Variants in LILRB4 observed in about 807,000 individuals in gnomAD.
LILRB4 encodes leukocyte immunoglobulin-like receptor subfamily B member 4.
A neutral mutation model predicts 55.2 loss-of-function variants in LILRB4; 49 were observed. That is an observed-to-expected ratio of 0.89 (90% CI 0.71 to 1.13). The LOEUF (loss-of-function observed/expected upper bound fraction) is 1.13, where lower values mean the gene tolerates loss of function less well. Among genes scored for constraint, LILRB4 ranks in the 50% most tolerant of loss-of-function variants. The pLI is 0.00. For synonymous variants in LILRB4, 229 were observed against 213.8 expected, an observed-to-expected ratio of 1.07 and a Z score of -0.62; for missense variants, 590 against 555.2, an observed-to-expected ratio of 1.06 and a Z score of -0.63.
downstream of LILRB4, chr19:54,668,681 T>C (rs1174465612): frequency 6.6e-6 from 1 of 152,242 alleles, no homozygotes; most frequent in Non-Finnish European, 1.5e-5. Context: ...GATCCTGTAA[T>C]CAAAAATGTT....
At chr19:54,668,246 T>TA in exon 12 of LILRB4, 2 of 532,464 alleles carry the variant, frequency 3.8e-6, no homozygotes, top group East Asian at 5.8e-5. Context: ...AGTTAACTGA[T>TA]AAAACAAAAC....
rs755008365 is a variant in LILRB4 at position 54,664,937 on chromosome 19, A to C, written c.706+88A>C. 3 of 1,434,760 alleles carry C rather than the reference A, an allele frequency of 2.1e-6. No homozygotes were observed. The South Asian group carries it at 3.5e-5, about 17-fold the overall frequency. 88.9% of individuals were successfully genotyped at this position (1,434,760 alleles called of 1,614,324 possible). A position where few individuals can be genotyped will look rare whatever the true frequency, so the allele number is the denominator to read the frequency against. ...TCAGTGGATCTAAGTCCTCGTTCCAATTCTCAGCTGGGCTTGCTTCCACGG... is the reference window on the plus strand; with the variant it reads ...TCAGTGGATCTAAGTCCTCGTTCCACTTCTCAGCTGGGCTTGCTTCCACGG... On this transcript the variant is annotated intron_variant, in intron 5 of 11. Coordinates refer to ENST00000430952, the Ensembl canonical transcript of LILRB4.
chr19:54,665,508 G>C lies in LILRB4; in HGVS notation c.758-307G>C, dbSNP rs142786048. Among the ~76,000 whole-genome samples, 1 of 152,032 alleles carries C rather than the reference G, an allele frequency of 6.6e-6. No individual in the cohort carries two copies. The highest frequency in any genetic ancestry group is 1.5e-5 in the Non-Finnish European group (1 of 67,982). On this transcript the variant is annotated intron_variant, in intron 6 of 11. Transcript: ENST00000430952. The surrounding 1 kb of genome is among the most constrained non-coding windows in gnomAD (Gnocchi z 5.5). ...CAGGGCGGTGGTTCAAGACAGTCAG[G>C]CTCTTTCCCTGCAACTCTGGGGCTT... is the stretch of plus-strand genomic sequence containing the variant.
rs759949146 is a variant in LILRB4, at chr19:54,664,782, C to G, written c.656-17C>G. 1 of 1,560,956 alleles carries G rather than the reference C, an allele frequency of 6.4e-7. No homozygotes were observed. The highest frequency in any genetic ancestry group is 8.7e-7 in the Non-Finnish European group (1 of 1,151,742). ...GGCAACCCCAGACTCTCACCCTCCT[C>G]TTGTCCTTCTACCCAGGATCCTTGG... On this transcript the variant is annotated splice_polypyrimidine_tract_variant and intron_variant, in intron 4 of 11. Transcript: ENST00000430952.
At chr19:54,664,691 G>A (rs1392659811) in intron 4 of LILRB4, 108 bp from the exon 5 acceptor site, 1 of 1,069,004 alleles carries the variant, frequency 9.4e-7, no homozygotes, top group Non-Finnish European at 1.4e-6. Context: ...GGTGGACAGA[G>A]AAATGGTCCT....
rs765847777 is a variant in LILRB4 at position 54,667,589 on chromosome 19, G to A, written c.1042-49G>A. 4.4e-3 allele frequency: 7,096 copies of A among 1,604,544 alleles called. 45 individuals are homozygous for A. Among genetic ancestry groups the A allele is most frequent in the Non-Finnish European group, 4.9e-3 (5,760 of 1,176,058 alleles). ...AACAGTGGGGAAAATTGACTCCAGG[G>A]AGTCAGGAGGATTCAAGGACACCCC... On this transcript the variant is annotated intron_variant, in intron 10 of 11. Coordinates refer to ENST00000430952, the Ensembl canonical transcript of LILRB4.
In LILRB4 at chr19:54,664,181, C is replaced by T. The variant is rs773255664; in HGVS notation, c.356-5C>T. 8 of 1,610,606 alleles carry T rather than the reference C, an allele frequency of 5.0e-6. No individual in the cohort carries two copies. The Admixed American group carries it at 1.3e-4, about 27-fold the overall frequency. ...CATTTAACACGGTGCCTCCTTCTCT[C>T]CTAGGAGCCTACAGTAAACCCACCC... On this transcript the variant is annotated splice_polypyrimidine_tract_variant and splice_region_variant and intron_variant, in intron 3 of 11. Transcript: ENST00000430952.
exon 12 of LILRB4, chr19:54,668,024 G>A (rs1466181983): frequency 1.9e-6 from 3 of 1,613,764 alleles, no homozygotes; most frequent in Non-Finnish European, 1.7e-6. Flanking sequence ...CACTAATCCA[G>A]GGGGGACCCA....
At position 54,666,316 on chromosome 19, in the gene LILRB4, G is replaced by A; in HGVS notation, c.950+1G>A. The A allele has an allele frequency of 1.2e-6, 2 of 1,609,746 alleles. No homozygotes were observed. The highest frequency in any genetic ancestry group is 1.3e-5 in the African/African-American group (1 of 74,892). ...CCAAGGACGGGGGCCTACAGAGGAG[G>A]TAATTCTGCCCAAAGACCTCAGACT... On this transcript the variant is annotated splice_donor_variant, in intron 8 of 11. Coordinates refer to ENST00000430952, the Ensembl canonical transcript of LILRB4. LOFTEE classifies it high-confidence loss of function. This position sits in a 1 kb window ranked among gnomAD's most constrained non-coding sequence, Gnocchi z 4.8.
upstream of LILRB4, chr19:54,662,991 G>T (rs2065068876): frequency 1.2e-6 from 2 of 1,613,920 alleles, no homozygotes; most frequent in South Asian, 2.2e-5. Flanking sequence ...CGGCACTGAG[G>T]ACTCATCCAT....
rs781473881 is a variant in LILRB4 at position 54,667,931 on chromosome 19, T to A, written c.1256T>A (p.Leu419His). Reference sequence around the variant, plus strand: ...TACGCCCGGCTGCACAGCTTTACCCTCAGACAGAAGGCAACTGAGCCTCCT... The same window carrying A: ...TACGCCCGGCTGCACAGCTTTACCCACAGACAGAAGGCAACTGAGCCTCCT... Residue 419 changes from leucine (L) to histidine (H), a missense_variant, in exon 12 of 12, where the codon CTC (leucine) becomes CAC (histidine). Transcript: ENST00000430952. The A allele has an allele frequency of 1.9e-6, 3 of 1,600,556 alleles. No homozygotes were observed. In the African/African-American group the frequency reaches 4.2e-5, roughly 22 times the overall value.
In LILRB4 at chr19:54,667,801, C is replaced by G. The variant is rs762440515; in HGVS notation, c.1197+8C>G. The G allele has an allele frequency of 6.2e-7, 1 of 1,610,710 alleles. No homozygotes were observed. Among genetic ancestry groups the G allele is most frequent in the Non-Finnish European group, 8.5e-7 (1 of 1,179,046 alleles). On this transcript the variant is annotated splice_region_variant and intron_variant, in intron 11 of 11. Transcript: ENST00000430952. ...AGACAGATGGACACTGAGGTGAGTCCTTTCCTCTCCAGGCCCCCAGGCCTC... is the reference window on the plus strand; with the variant it reads ...AGACAGATGGACACTGAGGTGAGTCGTTTCCTCTCCAGGCCCCCAGGCCTC...
In LILRB4 at chr19:54,665,384, G is replaced by A. The variant is rs2065220348; in HGVS notation, c.757+204G>A. ...CTGACTCCCAGCTGTGCCCTCCTGG[G>A]AGAGGAGGCCTCCCAGGGAACCTCC... On this transcript the variant is annotated intron_variant, in intron 6 of 11. Transcript: ENST00000430952. This position sits in a 1 kb window ranked among gnomAD's most constrained non-coding sequence, Gnocchi z 5.5. 6.6e-6 allele frequency among the ~76,000 whole-genome samples: 1 copy of A among 152,092 alleles called. No homozygotes were observed. Among genetic ancestry groups the A allele is most frequent in the Admixed American group, 6.5e-5 (1 of 15,274 alleles).
Position 54,666,247 on chromosome 19 carries a change from A to T in LILRB4, c.882A>T (p.Arg294Ser). 1 of 1,601,872 alleles carries T rather than the reference A, an allele frequency of 6.2e-7. No homozygotes were observed. Among genetic ancestry groups the T allele is most frequent in the South Asian group, 1.1e-5 (1 of 89,038 alleles). Residue 294 changes from arginine (R) to serine (S), a missense_variant, in exon 8 of 12, where the codon AGA (arginine) becomes AGT (serine). Physicochemically the swap from Arg to Ser is moderately radical, Grantham distance 110. Coordinates refer to ENST00000430952, the Ensembl canonical transcript of LILRB4. The surrounding 1 kb of genome is among the most constrained non-coding windows in gnomAD (Gnocchi z 4.8). ...CTGTCCATCTTCCCCCAGCCCAGAG[A>T]CAGGCTGATTTCCAACGTCCTCCAG...
In LILRB4 at chr19:54,666,510, G is replaced by A. The variant is rs2065271315; in HGVS notation, c.988+74G>A. Reference sequence around the variant, plus strand: ...AAAATTTCAATAGCAATGGGGGCAGGAGCACAGGCTAGGATTGGTCAGGGA... The same window carrying A: ...AAAATTTCAATAGCAATGGGGGCAGAAGCACAGGCTAGGATTGGTCAGGGA... On this transcript the variant is annotated intron_variant, in intron 9 of 11. Coordinates refer to ENST00000430952, the Ensembl canonical transcript of LILRB4. This position sits in a 1 kb window ranked among gnomAD's most constrained non-coding sequence, Gnocchi z 4.8. 3.2e-6 allele frequency: 5 copies of A among 1,560,906 alleles called. No homozygotes were observed. The East Asian group carries it at 9.0e-5, about 28-fold the overall frequency.
exon 12 of LILRB4, chr19:54,668,124 T>C: frequency 7.6e-7 from 1 of 1,322,492 alleles, no homozygotes; most frequent in East Asian, 2.3e-5. Context: ...CCCAGACCCC[T>C]GACACAGACC....
exon 11 of LILRB4, chr19:54,667,649 T>C (rs763591429): frequency 1.2e-6 from 2 of 1,610,996 alleles, no homozygotes; most frequent in South Asian, 2.2e-5. Context: ...GCCCACACGA[T>C]GAAGACCCCC....
At chr19:54,664,299 A>G (rs935240992) in exon 4 of LILRB4, 3 of 1,613,952 alleles carry the variant, frequency 1.9e-6, no homozygotes, top group Non-Finnish European at 2.5e-6. Context: ...TCTTCTGATC[A>G]AGGAGCGGGC....
chr19:54,668,036 A>G (rs755461746), exon 12 of LILRB4: 8 of 1,612,124 alleles, frequency 5.0e-6, no homozygotes, highest in Middle Eastern at 1.6e-4. Context: ...GGGGACCCAG[A>G]CCCCACAAGC....
Sources: gnomAD v4.1 joint callset for allele counts (sites outside exome capture counted in the v4.1 genomes callset) on GRCh38, gnomAD v4.1.1 for gene constraint, Gnocchi (gnomAD v3.1) non-coding constraint, MANE v1.5 for transcripts, NCBI Gene and HGNC (gene_info 2026-07-23, HGNC 2026-07-21) for gene names.